Variants in RTL9 observed in about 807,000 individuals in gnomAD.
The protein encoded by RTL9 is retrotransposon Gag-like protein 9.
In RTL9, 19 loss-of-function variants were observed where a neutral mutation model predicts 44.7. That is an observed-to-expected ratio of 0.42 (90% confidence interval 0.30 to 0.62). RTL9 has a LOEUF of 0.62. Ranked by LOEUF, RTL9 falls within the 20% of genes least tolerant of loss-of-function variation. The pLI is 0.16. For missense variants in RTL9, 1,105 were observed against 1,080.6 expected (o/e 1.02, Z -0.32); for synonymous variants, 407 against 398.9 (o/e 1.02, Z -0.24).
At chrX:110,363,945 T>C (rs1235456279) in intron 1 of RTL9, among the ~76,000 whole-genome samples, 2 of 112,117 alleles carry the variant, frequency 1.8e-5, no homozygotes, top group Non-Finnish European at 3.8e-5. Context: ...CTTAAGCCCA[T>C]AAAACGGAAT....
chrX:110,407,135 A>G (rs1419863464), intron 1 of RTL9, among the ~76,000 whole-genome samples: 4 of 112,269 alleles, frequency 3.6e-5, no homozygotes, highest in African/African-American at 1.3e-4. Context: ...ATTTTATAGG[A>G]AAGTGGGAAC....
At chrX:110,438,951 A>G (rs1050829822) in intron 1 of RTL9, among the ~76,000 whole-genome samples, 9 of 112,216 alleles carry the variant, frequency 8.0e-5, no homozygotes, top group Admixed American at 3.8e-4. Context: ...AGAAGAGCAC[A>G]GTTTTTAGTA....
intron 1 of RTL9, among the ~76,000 whole-genome samples, chrX:110,424,787 A>T (rs1457455813): frequency 8.9e-6 from 1 of 112,074 alleles, no homozygotes; most frequent in Non-Finnish European, 1.9e-5. Flanking sequence ...GAGAACAAGG[A>T]TCAAGAAGGC....
intron 1 of RTL9, among the ~76,000 whole-genome samples, chrX:110,412,193 G>A (rs1203246031): frequency 8.9e-6 from 1 of 112,427 alleles, no homozygotes; most frequent in Non-Finnish European, 1.9e-5. Flanking sequence ...AGAATCTGGT[G>A]AAACAGCACA....
chrX:110,359,130 G>A (rs147449796), intron 1 of RTL9, among the ~76,000 whole-genome samples: 2 of 110,871 alleles, frequency 1.8e-5, no homozygotes, highest in Non-Finnish European at 3.8e-5. Flanking sequence ...TCACATAGCT[G>A]GTTAAGTGCC....
At chrX:110,413,777 C>A (rs530881600) in intron 1 of RTL9, among the ~76,000 whole-genome samples, 1 of 111,158 alleles carries the variant, frequency 9.0e-6, no homozygotes, top group Non-Finnish European at 1.9e-5. Context: ...TCTTCCATCC[C>A]ATCAGCCCCT....
chrX:110,405,874 TCAAA>T (rs2068597560), intron 1 of RTL9, among the ~76,000 whole-genome samples: 1 of 111,667 alleles, frequency 9.0e-6, no homozygotes, highest in African/African-American at 3.3e-5. Context: ...CCTTGTAAAG[TCAAA>T]CAGTCTCTTT....
At chrX:110,380,702 A>C (rs1201888688) in intron 1 of RTL9, among the ~76,000 whole-genome samples, 1 of 112,588 alleles carries the variant, frequency 8.9e-6, no homozygotes, top group Non-Finnish European at 1.9e-5. Context: ...CTATACTACA[A>C]GGCTACAGGA....
At chrX:110,371,698 T>A (rs919315910) in intron 1 of RTL9, among the ~76,000 whole-genome samples, 1 of 111,242 alleles carries the variant, frequency 9.0e-6, no homozygotes, top group African/African-American at 3.3e-5. Flanking sequence ...ATGGAGTGGG[T>A]GCAGCTTGGC....
upstream of RTL9, among the ~76,000 whole-genome samples, chrX:110,449,291 A>G (rs936557699): frequency 8.9e-6 from 1 of 112,222 alleles, no homozygotes; most frequent in African/African-American, 3.2e-5. Flanking sequence ...ACCACATGAG[A>G]TGATACATGT....
At chrX:110,375,163 G>T (rs1281548948) in intron 1 of RTL9, among the ~76,000 whole-genome samples, 1 of 111,372 alleles carries the variant, frequency 9.0e-6, no homozygotes, top group African/African-American at 3.3e-5. Context: ...TAATAAAACT[G>T]GAATTGCAAG....
chrX:110,400,795 C>A (rs2068559185), intron 1 of RTL9, among the ~76,000 whole-genome samples: 2 of 111,353 alleles, frequency 1.8e-5, no homozygotes, highest in South Asian at 7.7e-4. Flanking sequence ...TGAATGTGAG[C>A]CCCTTGAGAA....
intron 1 of RTL9, among the ~76,000 whole-genome samples, chrX:110,392,226 A>G (rs1338654512): frequency 1.8e-5 from 2 of 110,356 alleles, no homozygotes; most frequent in Non-Finnish European, 3.8e-5. Flanking sequence ...TGGGTCCAGA[A>G]CCCAAAATGT....
At chrX:110,435,306 T>C (rs2148335384) in intron 1 of RTL9, among the ~76,000 whole-genome samples, 1 of 111,515 alleles carries the variant, frequency 9.0e-6, no homozygotes, top group Non-Finnish European at 1.9e-5. Flanking sequence ...ACCTAATAAA[T>C]TAACAGCTGT....
intron 1 of RTL9, among the ~76,000 whole-genome samples, chrX:110,377,174 T>C (rs1236237526): frequency 8.9e-6 from 1 of 112,011 alleles, no homozygotes. Context: ...GGAATCCTGC[T>C]AGTTGAGTGT....
At chrX:110,361,568 G>A (rs1280047207) in intron 1 of RTL9, among the ~76,000 whole-genome samples, 1 of 111,434 alleles carries the variant, frequency 9.0e-6, no homozygotes, top group Admixed American at 9.6e-5. Flanking sequence ...GGCCCATAAT[G>A]CTGTATGCAA....
chrX:110,407,353 G>A (rs749826167), intron 1 of RTL9, among the ~76,000 whole-genome samples: 2 of 112,209 alleles, frequency 1.8e-5, no homozygotes, highest in Non-Finnish European at 3.8e-5. Flanking sequence ...ATCCTAGTGA[G>A]CCTCACAGGA....
chrX:110,414,392 A>T (rs1031480281), upstream of RTL9, among the ~76,000 whole-genome samples: 7 of 112,485 alleles, frequency 6.2e-5, no homozygotes, highest in African/African-American at 1.9e-4. Flanking sequence ...GCCAGCCTTT[A>T]AGAAAGGGTG....
chrX:110,428,099 A>G (rs190252736), intron 1 of RTL9, among the ~76,000 whole-genome samples: 12 of 112,192 alleles, frequency 1.1e-4, no homozygotes, highest in Non-Finnish European at 2.3e-4. Context: ...GAGAGCTAGG[A>G]TCCCCACCTG....
Sources: allele counts gnomAD v4.1 joint callset (sites outside exome capture counted in the v4.1 genomes callset), GRCh38; gene constraint gnomAD v4.1.1; transcripts MANE v1.5; gene names NCBI Gene and HGNC (gene_info 2026-07-23, HGNC 2026-07-21).